EML1: variants seen among roughly 807,000 people sequenced by gnomAD.
EML1 encodes EMAP like 1, also known as echinoderm microtubule-associated protein-like 1.
Under a neutral mutation model 110.4 loss-of-function variants are expected in EML1, and 27 were observed. That is an observed-to-expected ratio of 0.24 (90% confidence interval 0.18 to 0.34). The LOEUF (loss-of-function observed/expected upper bound fraction) is 0.34. Ranked by LOEUF, EML1 falls within the 10% of genes least tolerant of loss-of-function variation. The pLI is 1.00. For missense variants in EML1, 741 were observed against 1,030.9 expected, an observed-to-expected ratio of 0.72 and a Z score of 3.85; for synonymous variants, 344 against 385.8, an observed-to-expected ratio of 0.89 and a Z score of 1.27.
At chr14:99,890,540 T>G (rs1940297016) in intron 4 of EML1, among the ~76,000 whole-genome samples, 1 of 152,168 alleles carries the variant, frequency 6.6e-6, no homozygotes, top group Non-Finnish European at 1.5e-5. Context: ...ATGTCCAGTC[T>G]GCCTGCGGCT....
intron 1 of EML1, among the ~76,000 whole-genome samples, chr14:99,842,319 T>A (rs1257141397): frequency 6.6e-6 from 1 of 152,226 alleles, no homozygotes; most frequent in Non-Finnish European, 1.5e-5. Context: ...TCCCCCAGCT[T>A]AATTGAAGTG....
At chr14:99,925,199 C>T (rs917468349) in intron 17 of EML1, among the ~76,000 whole-genome samples, 2 of 151,114 alleles carry the variant, frequency 1.3e-5, no homozygotes, top group African/African-American at 4.8e-5. Context: ...ACTACCTGGG[C>T]CTTTCTTTGT....
rs545402032 is a variant in EML1, at chr14:99,931,010, C to T, written c.1910-5019C>T. On this transcript the variant is annotated intron_variant, in intron 17 of 21. Transcript: ENST00000262233. Reference sequence around the variant, plus strand: ...ATGAATCAGAATCTGGCACTTACTCCGTCACTTGCAGTATTAGATCCCCCA... The same window carrying T: ...ATGAATCAGAATCTGGCACTTACTCTGTCACTTGCAGTATTAGATCCCCCA... Among the ~76,000 whole-genome samples, 14 of 152,300 alleles carry T rather than the reference C, an allele frequency of 9.2e-5. No homozygotes were observed. The South Asian group carries it at 1.0e-3, about 11-fold the overall frequency.
At chr14:99,756,768 C>G (rs1478823864) in intron 1 of EML1, among the ~76,000 whole-genome samples, 1 of 152,124 alleles carries the variant, frequency 6.6e-6, no homozygotes, top group Admixed American at 6.6e-5. Context: ...CCCGTGCCCC[C>G]AGCGTTTGAA....
chr14:99,938,839 G>A lies in EML1; in HGVS notation c.2192-358G>A, dbSNP rs2060522638. Among the ~76,000 whole-genome samples, 4 of 152,232 alleles carry A rather than the reference G, an allele frequency of 2.6e-5. No individual in the cohort carries two copies. The South Asian group carries it at 8.3e-4, about 31-fold the overall frequency. On this transcript the variant is annotated intron_variant, in intron 20 of 21. Transcript: ENST00000262233. ...AAACTGCAGGCTTGAGGACAGGGCA[G>A]CTTCCCACAAGATGCTTCAGAGATC...
chr14:99,860,530 C>T (rs2058985564), intron 2 of EML1, among the ~76,000 whole-genome samples: 1 of 152,140 alleles, frequency 6.6e-6, no homozygotes. Context: ...TTCCTTCCAC[C>T]AGGTTTTCTT....
At chr14:99,848,974 AT>A (rs1219078534) in intron 1 of EML1, among the ~76,000 whole-genome samples, 14 of 145,672 alleles carry the variant, frequency 9.6e-5, no homozygotes, top group Admixed American at 5.5e-4. Context: ...AAAAAAAAAA[AT>A]AATAAAACTT....
intron 15 of EML1, among the ~76,000 whole-genome samples, chr14:99,917,181 T>C (rs948587974): frequency 6.6e-6 from 1 of 152,222 alleles, no homozygotes; most frequent in African/African-American, 2.4e-5. Flanking sequence ...CTGGGTTCTA[T>C]AAGCTGTGAC....
chr14:99,746,924 C>T (rs906522404), intron 1 of EML1, among the ~76,000 whole-genome samples: 3 of 152,144 alleles, frequency 2.0e-5, no homozygotes, highest in Non-Finnish European at 4.4e-5. Flanking sequence ...CGCGCCCTGC[C>T]CTGGGCGGCT....
chr14:99,793,090 A>G (rs186037320), upstream of EML1, among the ~76,000 whole-genome samples: 18,229 of 150,698 alleles, frequency 0.12, 2,010 homozygotes, highest in African/African-American at 0.29. Context: ...GCAGCCCCTG[A>G]GCCCCCGTGC....
rs1178375328 is a variant in EML1, at chr14:99,905,418, AAGG to A, written c.1009-2217_1009-2215del. ...TAATAGAAAACATAAGAAAGGGAAA[AAGG>A]AGAGAGAGAAAAGCATTCCCTGTGG... On this transcript the variant is annotated intron_variant, in intron 9 of 21. Transcript: ENST00000262233. The surrounding 1 kb of genome is among the most constrained non-coding windows in gnomAD (Gnocchi z 4.1). Among the ~76,000 whole-genome samples, 1 of 152,162 alleles carries A rather than the reference AAGG, an allele frequency of 6.6e-6. No homozygotes were observed. Among genetic ancestry groups the A allele is most frequent in the Non-Finnish European group, 1.5e-5 (1 of 68,038 alleles).
intron 17 of EML1, among the ~76,000 whole-genome samples, chr14:99,921,798 G>A (rs1326401259): frequency 4.6e-5 from 7 of 152,098 alleles, no homozygotes; most frequent in African/African-American, 1.7e-4. Flanking sequence ...ACAGCTCATC[G>A]ATTCTTTATA....
At chr14:99,836,192 C>A (rs986458669) in intron 1 of EML1, among the ~76,000 whole-genome samples, 6 of 128,628 alleles carry the variant, frequency 4.7e-5, no homozygotes, top group African/African-American at 1.8e-4. Context: ...TTCTTTAGAA[C>A]TTCTTTAATT....
chr14:99,929,707 AAGAGAG>A (rs138041566), intron 17 of EML1, among the ~76,000 whole-genome samples: 1 of 151,740 alleles, frequency 6.6e-6, no homozygotes, highest in African/African-American at 2.4e-5. Flanking sequence ...CCTAAGACTA[AAGAGAG>A]AGAGAGAGAA....
At chr14:99,868,384 T>C (rs1566907577) in intron 3 of EML1, among the ~76,000 whole-genome samples, 1 of 152,224 alleles carries the variant, frequency 6.6e-6, no homozygotes. Flanking sequence ...TTAAGGAGCA[T>C]TGGAATTTAT....
chr14:99,787,405 A>C lies in EML1; in HGVS notation c.-27+13392A>C, dbSNP rs1241415519. Among the ~76,000 whole-genome samples the C allele has an allele frequency of 2.0e-5, 3 of 149,970 alleles. No individual in the cohort carries two copies. In the East Asian group the frequency reaches 5.9e-4, roughly 30 times the overall value. On this transcript the variant is annotated intron_variant, in intron 1 of 22. Coordinates refer to the EML1 transcript ENST00000327921. Reference sequence around the variant, plus strand: ...GCGATTCTCCTGCCTCAGCCTCCCTAGTAACTGGGATTATATCCACCTGCC... The same window carrying C: ...GCGATTCTCCTGCCTCAGCCTCCCTCGTAACTGGGATTATATCCACCTGCC...
At chr14:99,758,625 G>A (rs533430051) in intron 1 of EML1, among the ~76,000 whole-genome samples, 6 of 152,242 alleles carry the variant, frequency 3.9e-5, no homozygotes, top group South Asian at 2.1e-4. Flanking sequence ...CCCTAGTCAC[G>A]CCCTCATGCA....
intron 1 of EML1, among the ~76,000 whole-genome samples, chr14:99,755,876 C>A (rs958566101): frequency 1.3e-5 from 2 of 150,326 alleles, no homozygotes; most frequent in East Asian, 3.9e-4. Flanking sequence ...CTGGACCCAC[C>A]CTGGAGCAGG....
intron 1 of EML1, among the ~76,000 whole-genome samples, chr14:99,803,158 A>G (rs1420902950): frequency 1.3e-5 from 2 of 152,048 alleles, no homozygotes; most frequent in Non-Finnish European, 2.9e-5. Flanking sequence ...GCACGTGGTG[A>G]GTTTCCTGGT....
Sources: allele counts gnomAD v4.1 joint callset (sites outside exome capture counted in the v4.1 genomes callset), GRCh38; gene constraint gnomAD v4.1.1; non-coding constraint Gnocchi (gnomAD v3.1); transcripts MANE v1.5; gene names NCBI Gene and HGNC (gene_info 2026-07-23, HGNC 2026-07-21).